The following ANKRD45 variants were observed in gnomAD, a reference collection of about 807,000 sequenced individuals.
ANKRD45 encodes ankyrin repeat domain-containing protein 45.
A neutral mutation model predicts 28.1 loss-of-function variants in ANKRD45; 21 were observed. That is an observed-to-expected ratio of 0.75 (90% CI 0.53 to 1.08). The LOEUF is 1.08. ANKRD45 is among the 50% of genes least tolerant of loss of function. The pLI is 0.00. For synonymous variants in ANKRD45, 86 were observed against 103.9 expected (o/e 0.83, Z 1.05); for missense variants, 261 against 308.7 (o/e 0.85, Z 1.16).
intron 1 of ANKRD45, among the ~76,000 whole-genome samples, chr1:173,666,083 C>T (rs565479558): frequency 1.9e-4 from 29 of 152,176 alleles, no homozygotes; most frequent in African/African-American, 5.1e-4. Flanking sequence ...TACTTGTTAA[C>T]GAAAAAATAG....
At chr1:173,667,563 G>A (rs1423152228) in intron 1 of ANKRD45, 6 of 234,592 alleles carry the variant, frequency 2.6e-5, no homozygotes, top group South Asian at 9.3e-5. Context: ...AAAATTAGTC[G>A]GGCATAGTGG....
the ANKRD45 span, among the ~76,000 whole-genome samples, chr1:173,713,735 T>C: frequency 6.6e-6 from 1 of 151,974 alleles, no homozygotes; most frequent in Non-Finnish European, 1.5e-5. Context: ...CATACCCCTA[T>C]GACTGCACCA....
intron 1 of ANKRD45, among the ~76,000 whole-genome samples, chr1:173,660,983 T>G (rs1203057387): frequency 6.6e-6 from 1 of 152,128 alleles, no homozygotes; most frequent in African/African-American, 2.4e-5. Context: ...CAGCAGTAAG[T>G]AAGACACAGA....
At chr1:173,620,919 T>G (rs1667673703) in intron 5 of ANKRD45, among the ~76,000 whole-genome samples, 1 of 151,870 alleles carries the variant, frequency 6.6e-6, no homozygotes, top group South Asian at 2.1e-4. Flanking sequence ...ACTAGCCAAA[T>G]TAATAAATAA....
At chr1:173,616,594 A>T (rs898058235) in intron 5 of ANKRD45, among the ~76,000 whole-genome samples, 6 of 152,162 alleles carry the variant, frequency 3.9e-5, no homozygotes, top group African/African-American at 1.2e-4. Context: ...CTATTATTTT[A>T]AAAAAATGTT....
the ANKRD45 span, among the ~76,000 whole-genome samples, chr1:173,710,145 T>C: frequency 1.3e-5 from 2 of 152,050 alleles, no homozygotes; most frequent in African/African-American, 4.8e-5. Context: ...GGCTACATAG[T>C]GAGAACTCGT....
the ANKRD45 span, among the ~76,000 whole-genome samples, chr1:173,695,213 T>A: frequency 1.3e-5 from 2 of 152,190 alleles, no homozygotes; most frequent in Admixed American, 1.3e-4. Context: ...TTTTAATTTT[T>A]ATTTTAGATT....
At chr1:173,708,190 C>T in the ANKRD45 span, among the ~76,000 whole-genome samples, 1 of 152,160 alleles carries the variant, frequency 6.6e-6, no homozygotes, top group African/African-American at 2.4e-5. Context: ...TGTAAAAACT[C>T]TGATGTTGAT....
At chr1:173,676,927 C>A in the ANKRD45 span, among the ~76,000 whole-genome samples, 1 of 149,256 alleles carries the variant, frequency 6.7e-6, no homozygotes, top group Non-Finnish European at 1.5e-5. Context: ...CCAAAGAAAA[C>A]CAAACACCAT....
At chr1:173,644,140 T>A (rs765951556) in intron 3 of ANKRD45, among the ~76,000 whole-genome samples, 10 of 152,230 alleles carry the variant, frequency 6.6e-5, no homozygotes, top group Non-Finnish European at 1.5e-4. Context: ...TTCAGTAGAA[T>A]GCAGAAGACT....
chr1:173,624,921 G>A lies in ANKRD45; in HGVS notation c.596C>T (p.Thr199Ile). 6.2e-7 allele frequency: 1 copy of A among 1,609,680 alleles called. No individual in the cohort carries two copies. ...TTTTGCACGGCATGCACTGAGGATG[G>A]TATTCTAGGGACAGAAATACAGAGT... The part of the protein sequence containing the change: ...SGKLLKEDKN[T>I]ILSACRAKNE... Residue 199 changes from threonine (T) to isoleucine (I), a missense_variant, in exon 5 of 6, where the codon ACC becomes ATC. Physicochemically the swap from Thr to Ile is moderately conservative, Grantham distance 89. Coordinates refer to ENST00000333279, the MANE Select transcript of ANKRD45 (RefSeq NM_198493.3).
At chr1:173,651,593 C>T (rs567535173) in intron 2 of ANKRD45, among the ~76,000 whole-genome samples, 7 of 152,184 alleles carry the variant, frequency 4.6e-5, no homozygotes, top group African/African-American at 1.7e-4. Flanking sequence ...TTTTTGGTTC[C>T]ATATGAACTT....
At chr1:173,705,261 C>G in the ANKRD45 span, among the ~76,000 whole-genome samples, 1 of 151,718 alleles carries the variant, frequency 6.6e-6, no homozygotes, top group Non-Finnish European at 1.5e-5. Context: ...TTAGGGATGG[C>G]TTTTTTCTCT....
intron 3 of ANKRD45, among the ~76,000 whole-genome samples, chr1:173,630,765 A>G (rs561084217): frequency 7.2e-6 from 1 of 138,996 alleles, no homozygotes; most frequent in Non-Finnish European, 1.5e-5. Context: ...GGTTGCAGTG[A>G]GCCAAGATTG....
intron 3 of ANKRD45, chr1:173,635,236 C>A (rs867244162): frequency 1.5e-4 from 41 of 270,940 alleles, no homozygotes; most frequent in African/African-American, 8.6e-4. Flanking sequence ...TCAGGTGACA[C>A]CTTTTAGTTC....
chr1:173,697,263 T>C, the ANKRD45 span, among the ~76,000 whole-genome samples: 2 of 152,120 alleles, frequency 1.3e-5, no homozygotes, highest in Admixed American at 1.3e-4. Context: ...CCAGGAGAAC[T>C]TCACCAACCT....
the ANKRD45 span, among the ~76,000 whole-genome samples, chr1:173,685,799 A>G: frequency 3.9e-5 from 6 of 152,184 alleles, no homozygotes; most frequent in Non-Finnish European, 7.3e-5. Context: ...CCCCCATACC[A>G]TAAAACCAGC....
At chr1:173,695,301 C>T in the ANKRD45 span, among the ~76,000 whole-genome samples, 1 of 152,064 alleles carries the variant, frequency 6.6e-6, no homozygotes, top group Non-Finnish European at 1.5e-5. Context: ...TCCTGTCACC[C>T]AGGTAGTGAA....
intron 1 of ANKRD45, among the ~76,000 whole-genome samples, chr1:173,661,815 T>C (rs1222808991): frequency 1.3e-5 from 2 of 152,134 alleles, no homozygotes; most frequent in African/African-American, 4.8e-5. Flanking sequence ...TATATTCTGA[T>C]TGGAAACAGG....
Sources: allele counts gnomAD v4.1 joint callset (sites outside exome capture counted in the v4.1 genomes callset), GRCh38; gene constraint gnomAD v4.1.1; transcripts MANE v1.5; gene names NCBI Gene and HGNC (gene_info 2026-07-23, HGNC 2026-07-21).